Variants in METTL22 observed in about 807,000 individuals in gnomAD.
METTL22 encodes the protein methyltransferase 22, Kin17 lysine.
Under a neutral mutation model 48.4 loss-of-function variants are expected in METTL22, and 51 were observed. That is an observed-to-expected ratio of 1.05 (90% confidence interval 0.84 to 1.33). The LOEUF (loss-of-function observed/expected upper bound fraction) is 1.33, where lower values mean the gene tolerates loss of function less well. Among genes scored for constraint, METTL22 ranks in the 40% most tolerant of loss-of-function variants. The probability of loss-of-function intolerance (pLI) is 0.00; values close to 1 mark genes in which losing one functional copy is unlikely to be tolerated. For missense variants in METTL22, 678 were observed against 526.9 expected, an observed-to-expected ratio of 1.29 and a Z score of -2.81; for synonymous variants, 255 against 214.1, an observed-to-expected ratio of 1.19 and a Z score of -1.67.
chr16:8,638,274 C>G (rs531389960), intron 5 of METTL22, among the ~76,000 whole-genome samples: 1 of 152,240 alleles, frequency 6.6e-6, no homozygotes, highest in African/African-American at 2.4e-5. Flanking sequence ...TCTGTGTGAC[C>G]CCTGGGGTGC....
downstream of METTL22, among the ~76,000 whole-genome samples, chr16:8,654,071 C>A (rs1641092): frequency 6.6e-6 from 1 of 152,192 alleles, no homozygotes; most frequent in Non-Finnish European, 1.5e-5. Flanking sequence ...CTCAGAGGAT[C>A]GAGATGGTGA....
chr16:8,641,106 GTT>G (rs1314379512), intron 6 of METTL22, 23 bp from the exon 7 acceptor site: 1 of 1,611,844 alleles, frequency 6.2e-7, no homozygotes, highest in East Asian at 2.2e-5. Flanking sequence ...AGTTTGGAAA[GTT>G]CTCTTTTTGT....
rs537378033 is a variant in METTL22 at position 8,631,132 on chromosome 16, A to G, written c.514+2022A>G. 13 of 152,336 alleles carry G rather than the reference A, an allele frequency of 8.5e-5. No homozygotes were observed. The East Asian group carries it at 2.5e-3, about 29-fold the overall frequency. 9.4% of individuals were successfully genotyped at this position (152,336 alleles called of 1,614,324 possible). A position where few individuals can be genotyped will look rare whatever the true frequency, so the allele number is the denominator to read the frequency against. ...ATGGTAAGCAGACGTCATTCGCCTC[A>G]CAACCCTTTTCCTCTGACCCGTAAA... On this transcript the variant is annotated intron_variant, in intron 3 of 10. Transcript: ENST00000381920.
chr16:8,622,641 A>G (rs6498221), intron 1 of METTL22, among the ~76,000 whole-genome samples: 139,135 of 152,226 alleles, frequency 0.91, 63,744 homozygotes, highest in African/African-American at 0.97. Context: ...TTATTATATT[A>G]CTATAATGAT....
downstream of METTL22, among the ~76,000 whole-genome samples, chr16:8,652,614 T>C (rs1596379895): frequency 6.6e-6 from 1 of 152,026 alleles, no homozygotes; most frequent in African/African-American, 2.4e-5. Context: ...AGCCAGGAGT[T>C]TGAGACCAGC....
chr16:8,657,430 G>A, the METTL22 span, among the ~76,000 whole-genome samples: 1 of 152,160 alleles, frequency 6.6e-6, no homozygotes, highest in Admixed American at 6.5e-5. Context: ...GTGATCTTGG[G>A]GGCTGAAGTT....
At position 8,639,049 on chromosome 16, in the gene METTL22, C is replaced by T. The variant is rs772958823; in HGVS notation, c.701-42C>T. 6.2e-6 allele frequency: 10 copies of T among 1,601,846 alleles called. 1 individual carries two copies. Among genetic ancestry groups the T allele is most frequent in the South Asian group, 3.3e-5 (3 of 90,788 alleles). On this transcript the variant is annotated intron_variant, in intron 5 of 10. Transcript: ENST00000381920. Reference sequence around the variant, plus strand: ...GCAAAAAACATGGAGATAAAAGTGTCGTAGTGGCTGGCACTTTATGGCTTG... The same window carrying T: ...GCAAAAAACATGGAGATAAAAGTGTTGTAGTGGCTGGCACTTTATGGCTTG...
intron 9 of METTL22, chr16:8,642,771 C>T: frequency 1.6e-6 from 1 of 609,548 alleles, no homozygotes; most frequent in South Asian, 1.9e-5. Flanking sequence ...GCTGCTGTCC[C>T]ACTTGACTGA....
At chr16:8,641,755 G>C (rs1204032032) in intron 7 of METTL22, 2 of 414,282 alleles carry the variant, frequency 4.8e-6, no homozygotes, top group African/African-American at 4.0e-5. Context: ...ATAGTCCTGT[G>C]AGGAAGTAGT....
chr16:8,653,871 G>A (rs2056930466), downstream of METTL22, among the ~76,000 whole-genome samples: 1 of 152,146 alleles, frequency 6.6e-6, no homozygotes, highest in South Asian at 2.1e-4. Context: ...AAACACCTGG[G>A]TAGTGAGAAC....
rs777455767 is a variant in METTL22, at chr16:8,641,204, G to T, written c.826+20G>T. ...GCACAGGTGTGTGTTTCTCTCGGAC[G>T]TCCCCCAGTATGATTCAGTGATTCC... On this transcript the variant is annotated intron_variant, in intron 7 of 10. Coordinates refer to ENST00000381920, the MANE Select transcript of METTL22 (RefSeq NM_024109.4). The T allele has an allele frequency of 5.6e-6, 9 of 1,613,168 alleles. No individual in the cohort carries two copies. The Middle Eastern group carries it at 8.2e-4, about 148-fold the overall frequency.
downstream of METTL22, among the ~76,000 whole-genome samples, chr16:8,651,292 C>T (rs2056892369): frequency 7.1e-6 from 1 of 140,700 alleles, no homozygotes; most frequent in African/African-American, 2.6e-5. Flanking sequence ...GAGGCTAAGG[C>T]AGTAGAATGG....
chr16:8,635,444 TG>T (rs1333175242), intron 5 of METTL22, 132 bp downstream of exon 5: 2 of 1,121,020 alleles, frequency 1.8e-6, no homozygotes, highest in African/African-American at 3.1e-5. Flanking sequence ...CCTGGTCCCC[TG>T]GCCCTCTCCA....
rs1219584506 is a variant in METTL22 at position 8,646,756 on chromosome 16, G to C, written c.*613G>C. 2.3e-6 allele frequency: 1 copy of C among 441,608 alleles called. No individual in the cohort carries two copies. The highest frequency in any genetic ancestry group is 4.6e-6 in the Non-Finnish European group (1 of 216,744). 27.4% of individuals were successfully genotyped at this position (441,608 alleles called of 1,614,324 possible). On this transcript the variant is annotated 3_prime_UTR_variant, in exon 11 of 11. Transcript: ENST00000381920. ...GAATAAACCTAAGAGCCACTCTTTGGGGTCATGTGCAGCTGACCAGGGTTT... is the reference window on the plus strand; with the variant it reads ...GAATAAACCTAAGAGCCACTCTTTGCGGTCATGTGCAGCTGACCAGGGTTT...
At chr16:8,650,310 A>G (rs998831670), downstream of METTL22, among the ~76,000 whole-genome samples, 1 of 152,230 alleles carries the variant, frequency 6.6e-6, no homozygotes, top group East Asian at 1.9e-4. Context: ...ACAGCCTTAC[A>G]GACAGAGACG....
At position 8,640,973 on chromosome 16, in the gene METTL22, G is replaced by GCTGGCTGGCTGGCTGGCTGT. The variant is rs2056595829; in HGVS notation, c.773-147_773-146insGCTGGCTGTCTGGCTGGCTG. ...GGGTGGATGGCTGGCTGGCTGGCTG[G>GCTGGCTGGCTGGCTGGCTGT]CTGGCTGGCTGTAAAGATGGAAGGG... On this transcript the variant is annotated intron_variant, in intron 6 of 10. Coordinates refer to ENST00000381920, the MANE Select transcript of METTL22 (RefSeq NM_024109.4). 9.9e-5 allele frequency among the ~76,000 whole-genome samples: 4 copies of GCTGGCTGGCTGGCTGGCTGT among 40,238 alleles called. 2 individuals carry two copies. The highest frequency in any genetic ancestry group is 2.1e-4 in the Non-Finnish European group (4 of 19,284). The allele number at this position is 40,238 out of a possible 152,430, so 26.4% of individuals were successfully genotyped here.
At chr16:8,657,824 CTT>C in the METTL22 span, among the ~76,000 whole-genome samples, 2 of 137,432 alleles carry the variant, frequency 1.5e-5, no homozygotes, top group African/African-American at 2.9e-5. Flanking sequence ...TCTTTTCTTT[CTT>C]TTTTTTTTGA....
the METTL22 span, among the ~76,000 whole-genome samples, chr16:8,659,141 G>A: frequency 1.8e-4 from 27 of 152,056 alleles, no homozygotes; most frequent in African/African-American, 6.5e-4. Context: ...GACCAGCCTG[G>A]CCAACATGGT....
chr16:8,665,329 TGAGA>T, the METTL22 span, among the ~76,000 whole-genome samples: 1 of 151,984 alleles, frequency 6.6e-6, no homozygotes. Context: ...TAGCTGAGGC[TGAGA>T]GAGACAAATG....
Sources: allele counts gnomAD v4.1 joint callset (sites outside exome capture counted in the v4.1 genomes callset), GRCh38; gene constraint gnomAD v4.1.1; transcripts MANE v1.5; gene names NCBI Gene and HGNC (gene_info 2026-07-23, HGNC 2026-07-21).